The following SMURF1 variants were observed in gnomAD, a reference collection of about 807,000 sequenced individuals.
SMURF1 encodes SMAD specific E3 ubiquitin protein ligase 1.
SMURF1 carries 44 observed loss-of-function variants against 98.0 expected under a neutral mutation model. The ratio of observed to expected loss-of-function variants is 0.45; its 90% CI spans 0.35 to 0.58. The LOEUF is 0.58. Among genes scored for constraint, SMURF1 ranks in the 20% least tolerant of loss-of-function variants. SMURF1 has a pLI of 0.00. For missense variants in SMURF1, 687 were observed against 938.4 expected, an observed-to-expected ratio of 0.73 and a Z score of 3.50; for synonymous variants, 396 against 374.9, an observed-to-expected ratio of 1.06 and a Z score of -0.65.
At chr7:99,043,987 G>T (rs755601638) in intron 11 of SMURF1, among the ~76,000 whole-genome samples, 2 of 152,176 alleles carry the variant, frequency 1.3e-5, no homozygotes, top group Non-Finnish European at 2.9e-5. Context: ...GGAGACACGG[G>T]GGCTGTCAGA....
At chr7:99,081,837 G>C (rs1053646469) in intron 1 of SMURF1, among the ~76,000 whole-genome samples, 4 of 152,194 alleles carry the variant, frequency 2.6e-5, no homozygotes, top group African/African-American at 7.2e-5. Flanking sequence ...ATTTTTAGTA[G>C]AGATGGGGTT....
intron 1 of SMURF1, among the ~76,000 whole-genome samples, chr7:99,084,609 T>G (rs183403325): frequency 9.9e-5 from 15 of 152,150 alleles, no homozygotes; most frequent in African/African-American, 3.4e-4. Context: ...AGTCTCAATC[T>G]CTTGGCCTCA....
At position 99,049,590 on chromosome 7, in the gene SMURF1, G is replaced by A. The variant is rs772185228; in HGVS notation, c.926C>T (p.Thr309Ile). The change falls in exon 9 of 18, where the codon ACA becomes ATA. Residue 309 changes from threonine (T) to isoleucine (I), a missense_variant. Around this residue, in one of 2 missense-constraint regions of SMURF1, gnomAD observed 415 missense variants for 508.4 expected, o/e 0.82. Transcript: ENST00000361368. ...CATGATGTGGTGTAACCTTGGGTCT[G>A]TAAACTGGGTTGTTCGGTTATTATG... ...VDHNNRTTQFTDPRLHHIMNH... is the reference protein window; with the variant it reads ...VDHNNRTTQFIDPRLHHIMNH... The A allele has an allele frequency of 2.5e-6, 4 of 1,614,126 alleles. No individual in the cohort carries two copies. The highest frequency in any genetic ancestry group is 3.4e-6 in the Non-Finnish European group (4 of 1,180,016).
intron 16 of SMURF1, among the ~76,000 whole-genome samples, chr7:99,034,222 G>A (rs1033805798): frequency 2.0e-5 from 3 of 152,186 alleles, no homozygotes; most frequent in Non-Finnish European, 2.9e-5. Context: ...CACTCTGCCC[G>A]GGCCACCATT....
At chr7:99,078,028 G>A (rs1396813855) in intron 1 of SMURF1, among the ~76,000 whole-genome samples, 1 of 152,136 alleles carries the variant, frequency 6.6e-6, no homozygotes, top group African/African-American at 2.4e-5. Context: ...GCCGGGCACA[G>A]TCACTCACTC....
At position 99,028,309 on chromosome 7, in the gene SMURF1, C is replaced by T. The variant is rs573152753; in HGVS notation, c.*2275G>A. On this transcript the variant is annotated 3_prime_UTR_variant, in exon 18 of 18. Transcript: ENST00000361368. ...GAAGGTTCTAGGAGTGCAGTGCCAC[C>T]GACAGGGAGGCCTGTTTGGAAAGAG... 1.3e-5 allele frequency: 2 copies of T among 152,380 alleles called. No individual in the cohort carries two copies. The highest frequency in any genetic ancestry group is 1.9e-4 in the East Asian group (1 of 5,190). 9.4% of individuals were successfully genotyped at this position (152,380 alleles called of 1,614,324 possible).
intron 1 of SMURF1, among the ~76,000 whole-genome samples, chr7:99,070,984 T>G (rs921027242): frequency 2.0e-5 from 3 of 152,074 alleles, no homozygotes; most frequent in Admixed American, 2.0e-4. Context: ...AGCAGAAGTA[T>G]TATTATAATG....
At position 99,027,950 on chromosome 7, in the gene SMURF1, G is replaced by A. The variant is rs1203306065; in HGVS notation, c.*2634C>T. The A allele has an allele frequency of 6.5e-6, 1 of 152,704 alleles. No homozygotes were observed. The highest frequency in any genetic ancestry group is 1.5e-5 in the Non-Finnish European group (1 of 68,070). 9.5% of individuals were successfully genotyped at this position (152,704 alleles called of 1,614,324 possible). A position where few individuals can be genotyped will look rare whatever the true frequency, so the allele number is the denominator to read the frequency against. Reference sequence around the variant, plus strand: ...GGCAGATTCTCTTTTCAGAACTTGAGAGAGCCCTTTTCCGGTCGCCCCGGG... The same window carrying A: ...GGCAGATTCTCTTTTCAGAACTTGAAAGAGCCCTTTTCCGGTCGCCCCGGG... On this transcript the variant is annotated 3_prime_UTR_variant, in exon 18 of 18. Coordinates refer to ENST00000361368, the MANE Select transcript of SMURF1 (RefSeq NM_181349.3).
chr7:99,086,179 C>T (rs902875313), intron 1 of SMURF1, among the ~76,000 whole-genome samples: 3 of 152,006 alleles, frequency 2.0e-5, no homozygotes, highest in Non-Finnish European at 4.4e-5. Context: ...AACTCCGTCT[C>T]TACTAAAAAT....
intron 1 of SMURF1, among the ~76,000 whole-genome samples, chr7:99,115,638 T>A (rs1797422216): frequency 6.6e-6 from 1 of 152,022 alleles, no homozygotes; most frequent in Non-Finnish European, 1.5e-5. Flanking sequence ...AAAAATACTA[T>A]GAATAATTGT....
Position 99,144,019 on chromosome 7 carries a change from G to A in SMURF1, c.-239C>T. 2 of 167,566 alleles carry A rather than the reference G, an allele frequency of 1.2e-5. No individual in the cohort carries two copies. The highest frequency in any genetic ancestry group is 7.4e-5 in the East Asian group (1 of 13,532). 10.4% of individuals were successfully genotyped at this position (167,566 alleles called of 1,614,324 possible). A position where few individuals can be genotyped will look rare whatever the true frequency, so the allele number is the denominator to read the frequency against. On this transcript the variant is annotated 5_prime_UTR_variant, in exon 1 of 18. Coordinates refer to ENST00000361368, the MANE Select transcript of SMURF1 (RefSeq NM_181349.3). ...TTCCAGCCGAGCCCAGTCCCGAGCC[G>A]CCGCCGCCTCCGCCGCCGCCTCCGC...
At chr7:99,127,518 C>T (rs1419389775) in intron 1 of SMURF1, among the ~76,000 whole-genome samples, 1 of 151,818 alleles carries the variant, frequency 6.6e-6, no homozygotes, top group African/African-American at 2.4e-5. Context: ...ATAGCAAGAC[C>T]CCATCTCTAA....
At chr7:99,124,476 C>G (rs533793031) in intron 1 of SMURF1, among the ~76,000 whole-genome samples, 7 of 152,208 alleles carry the variant, frequency 4.6e-5, no homozygotes, top group Non-Finnish European at 8.8e-5. Context: ...GGCTGCACAG[C>G]TCTAGCAAAA....
chr7:99,113,654 C>T (rs539840620), intron 1 of SMURF1, among the ~76,000 whole-genome samples: 11 of 151,944 alleles, frequency 7.2e-5, no homozygotes, highest in Non-Finnish European at 1.6e-4. Flanking sequence ...TCCTGGCTAA[C>T]ACGGTGAAAC....
At position 99,116,164 on chromosome 7, in the gene SMURF1, C is replaced by T. The variant is rs939644570; in HGVS notation, c.55+27562G>A. ...AATCAATGTAATATGCCATGTTAAT[C>T]GAATAAAGGGGGAAAACCACAATAT... is the stretch of plus-strand genomic sequence containing the variant. On this transcript the variant is annotated intron_variant, in intron 1 of 17. Transcript: ENST00000361368. 5.9e-5 allele frequency among the ~76,000 whole-genome samples: 9 copies of T among 152,188 alleles called. No individual in the cohort carries two copies. The East Asian group carries it at 1.7e-3, about 29-fold the overall frequency.
chr7:99,043,676 TAC>T (rs1795467829), intron 11 of SMURF1, among the ~76,000 whole-genome samples: 1 of 152,232 alleles, frequency 6.6e-6, no homozygotes, highest in African/African-American at 2.4e-5. Context: ...GGCACATATT[TAC>T]AGAGACAAGT....
intron 1 of SMURF1, among the ~76,000 whole-genome samples, chr7:99,071,952 C>T (rs1392783819): frequency 2.0e-5 from 3 of 151,860 alleles, no homozygotes; most frequent in Admixed American, 2.0e-4. Flanking sequence ...GTGGTTTGCA[C>T]TACTCAGCAC....
intron 1 of SMURF1, among the ~76,000 whole-genome samples, chr7:99,136,039 C>T (rs941336143): frequency 6.6e-5 from 10 of 152,102 alleles, no homozygotes; most frequent in African/African-American, 2.4e-4. Context: ...AGAAAATGGG[C>T]ATAAGAGAGA....
At chr7:99,053,574 C>G (rs1173112314) in intron 6 of SMURF1, among the ~76,000 whole-genome samples, 1 of 152,228 alleles carries the variant, frequency 6.6e-6, no homozygotes, top group Non-Finnish European at 1.5e-5. Context: ...TCCTTCCCTC[C>G]TGTCTTTGCT....
Sources: allele counts gnomAD v4.1 joint callset (sites outside exome capture counted in the v4.1 genomes callset), GRCh38; gene constraint gnomAD v4.1.1; regional missense constraint gnomAD v4.1.1; transcripts MANE v1.5; gene names NCBI Gene and HGNC (gene_info 2026-07-23, HGNC 2026-07-21).